The following DYRK1A variants were observed in gnomAD, a reference collection of about 807,000 sequenced individuals.
DYRK1A encodes the protein dual specificity tyrosine-phosphorylation-regulated kinase 1A.
DYRK1A carries 9 observed loss-of-function variants against 79.7 expected under a neutral mutation model. The observed-to-expected ratio is 0.11, with a 90% CI of 0.07 to 0.20. The LOEUF (loss-of-function observed/expected upper bound fraction) is 0.20, where lower values mean the gene tolerates loss of function less well. Ranked by LOEUF, DYRK1A falls within the 10% of genes least tolerant of loss-of-function variation. DYRK1A has a pLI of 1.00. For synonymous variants in DYRK1A, 349 were observed against 329.7 expected (o/e 1.06, Z -0.63); for missense variants, 622 against 956.0 (o/e 0.65, Z 4.61).
At chr21:37,366,605 A>AG (rs916726785), upstream of DYRK1A, among the ~76,000 whole-genome samples, 3 of 149,456 alleles carry the variant, frequency 2.0e-5, no homozygotes, top group South Asian at 2.1e-4. Flanking sequence ...ACGTGACCTG[A>AG]GGGGGTTGGG....
chr21:37,375,971 C>T lies in DYRK1A; in HGVS notation c.-77+8343C>T, dbSNP rs115295779. Among the ~76,000 whole-genome samples, 712 of 152,026 alleles carry T rather than the reference C, an allele frequency of 4.7e-3. 4 individuals carry two copies. The highest frequency in any genetic ancestry group is 0.016 in the African/African-American group (673 of 41,486). ...CCCGCCAAGCCCCCCTCTTCCTATA[C>T]CAATATAAACCTGAAACCGCAGGCC... On this transcript the variant is annotated intron_variant, in intron 1 of 11. Coordinates refer to ENST00000647188, the MANE Select transcript of DYRK1A (RefSeq NM_001347721.2).
intron 1 of DYRK1A, among the ~76,000 whole-genome samples, chr21:37,417,790 G>A (rs1376761774): frequency 6.6e-6 from 1 of 151,980 alleles, no homozygotes; most frequent in East Asian, 1.9e-4. Context: ...AACCATGTAA[G>A]CTCGGTTCCT....
intron 9 of DYRK1A, chr21:37,501,594 T>C (rs1006520159): frequency 1.3e-5 from 2 of 152,250 alleles, no homozygotes; most frequent in Non-Finnish European, 2.9e-5. Flanking sequence ...CTTATTGAGT[T>C]CTAGTTTAGT....
chr21:37,525,574 G>C lies in DYRK1A; in HGVS notation c.*13043G>C, dbSNP rs2053962448. Reference sequence around the variant, plus strand: ...TCAGTGTGGAATAGAAAATGGCTCAGTTGGACAACTTACAAAGCTTGTAAT... The same window carrying C: ...TCAGTGTGGAATAGAAAATGGCTCACTTGGACAACTTACAAAGCTTGTAAT... On this transcript the variant is annotated 3_prime_UTR_variant, in exon 12 of 12. Coordinates refer to ENST00000647188, the MANE Select transcript of DYRK1A (RefSeq NM_001347721.2). 3 of 152,224 alleles carry C rather than the reference G, an allele frequency of 2.0e-5. No individual in the cohort carries two copies. Among genetic ancestry groups the C allele is most frequent in the Admixed American group, 1.3e-4 (2 of 15,286 alleles). 9.4% of individuals were successfully genotyped at this position (152,224 alleles called of 1,614,324 possible). A position where few individuals can be genotyped will look rare whatever the true frequency, so the allele number is the denominator to read the frequency against.
At chr21:37,431,332 A>G (rs969044829) in intron 2 of DYRK1A, among the ~76,000 whole-genome samples, 6 of 152,134 alleles carry the variant, frequency 3.9e-5, no homozygotes, top group East Asian at 3.9e-4. Flanking sequence ...CTTTTTACCA[A>G]TGAATTCTGG....
intron 2 of DYRK1A, among the ~76,000 whole-genome samples, chr21:37,421,339 G>C (rs1172356285): frequency 2.6e-5 from 4 of 151,938 alleles, no homozygotes; most frequent in Admixed American, 6.6e-5. Context: ...GTTTTGTCTA[G>C]GGGAAAAATC....
intron 1 of DYRK1A, among the ~76,000 whole-genome samples, chr21:37,411,368 C>T (rs1451380748): frequency 4.8e-5 from 7 of 145,486 alleles, no homozygotes; most frequent in African/African-American, 1.5e-4. Context: ...CCCCAACCCC[C>T]TCCCCCCCAA....
In DYRK1A at chr21:37,423,302, G is replaced by A. The variant is rs551737444; in HGVS notation, c.10+2918G>A. On this transcript the variant is annotated intron_variant, in intron 2 of 11. Transcript: ENST00000647188. ...TAACTGCTTTCTGGATGCCTCTCCC[G>A]CATATTCCCTCCTCCTCCCCCATTC... is the stretch of plus-strand genomic sequence containing the variant. 7.2e-5 allele frequency among the ~76,000 whole-genome samples: 11 copies of A among 152,056 alleles called. No homozygotes were observed. In the South Asian group the frequency reaches 2.1e-3, roughly 29 times the overall value.
intron 1 of DYRK1A, among the ~76,000 whole-genome samples, chr21:37,378,070 T>C (rs1306688989): frequency 6.6e-6 from 1 of 152,248 alleles, no homozygotes; most frequent in East Asian, 1.9e-4. Flanking sequence ...ACCAACACTG[T>C]TGTTACCTTA....
At chr21:37,387,395 T>TA (rs2049780949) in intron 1 of DYRK1A, among the ~76,000 whole-genome samples, 1 of 152,256 alleles carries the variant, frequency 6.6e-6, no homozygotes, top group South Asian at 2.1e-4. Context: ...CCACCTTGTA[T>TA]AATCTTGTTT....
intron 8 of DYRK1A, 32 bp from the exon 9 acceptor site, chr21:37,496,086 T>C (rs769398746): frequency 6.3e-7 from 1 of 1,590,132 alleles, no homozygotes; most frequent in African/African-American, 1.4e-5. Context: ...CAGTAGAAAT[T>C]ACAGGTTTTG....
chr21:37,496,530 A>G (rs188653429), intron 9 of DYRK1A, among the ~76,000 whole-genome samples: 1 of 152,288 alleles, frequency 6.6e-6, no homozygotes, highest in Non-Finnish European at 1.5e-5. Context: ...ACATCACCAT[A>G]CTTGGTTTCA....
chr21:37,483,232 A>C (rs1445860894), intron 5 of DYRK1A, among the ~76,000 whole-genome samples: 3 of 152,204 alleles, frequency 2.0e-5, no homozygotes, highest in Admixed American at 2.0e-4. Flanking sequence ...TAATTTGGGG[A>C]ACTAATAAAT....
chr21:37,398,827 G>A (rs1180082378), intron 1 of DYRK1A, among the ~76,000 whole-genome samples: 4 of 151,664 alleles, frequency 2.6e-5, no homozygotes, highest in Admixed American at 6.6e-5. Flanking sequence ...TGAATATATT[G>A]TACAAGTTCA....
chr21:37,494,409 C>G (rs1439090465), intron 8 of DYRK1A, among the ~76,000 whole-genome samples: 1 of 152,148 alleles, frequency 6.6e-6, no homozygotes, highest in African/African-American at 2.4e-5. Flanking sequence ...TCTCTCACCA[C>G]CACCTGGTCT....
At chr21:37,416,209 A>G (rs1395851090) in intron 1 of DYRK1A, among the ~76,000 whole-genome samples, 1 of 152,056 alleles carries the variant, frequency 6.6e-6, no homozygotes, top group Non-Finnish European at 1.5e-5. Context: ...GCCTTAGCCA[A>G]GTGGTTGGCA....
upstream of DYRK1A, chr21:37,365,842 G>A (rs2049291238): frequency 6.6e-6 from 1 of 152,558 alleles, no homozygotes; most frequent in South Asian, 2.1e-4. Context: ...AAGGTGGGGA[G>A]AGGTTGGAAG....
rs16995166 is a variant in DYRK1A at position 37,472,245 on chromosome 21, G to A, written c.11-439G>A. Among the ~76,000 whole-genome samples, 1,370 of 152,332 alleles carry A rather than the reference G, an allele frequency of 9.0e-3. 19 individuals are homozygous for A. The highest frequency in any genetic ancestry group is 0.032 in the African/African-American group (1,315 of 41,566). On this transcript the variant is annotated intron_variant, in intron 2 of 11. Transcript: ENST00000647188. The stretch of plus-strand genomic sequence containing the variant: ...TTCACCTGGTTTGGGGAATGCTGGC[G>A]ATGTTGTTTGCCGTAAACCTGGCAG...
chr21:37,412,217 T>A (rs1418963901), intron 1 of DYRK1A, among the ~76,000 whole-genome samples: 3 of 152,140 alleles, frequency 2.0e-5, no homozygotes, highest in Non-Finnish European at 1.5e-5. Context: ...AGAAGGGGCT[T>A]AAATGCACTT....
Sources: allele counts gnomAD v4.1 joint callset (sites outside exome capture counted in the v4.1 genomes callset), GRCh38; gene constraint gnomAD v4.1.1; transcripts MANE v1.5; gene names NCBI Gene and HGNC (gene_info 2026-07-23, HGNC 2026-07-21).